NSMCE2: variants seen among roughly 807,000 people sequenced by gnomAD.
The protein encoded by NSMCE2 is E3 SUMO-protein ligase NSE2.
Under a neutral mutation model 23.8 loss-of-function variants are expected in NSMCE2, and 24 were observed. That is an observed-to-expected ratio of 1.01 (90% CI 0.73 to 1.42). The LOEUF (loss-of-function observed/expected upper bound fraction) is 1.42. Ranked by LOEUF, NSMCE2 falls within the 40% of genes most tolerant of loss-of-function variation. The probability of loss-of-function intolerance (pLI) is 0.00; values close to 1 mark genes in which losing one functional copy is unlikely to be tolerated. For missense variants in NSMCE2, 284 were observed against 296.5 expected (o/e 0.96, Z 0.31); for synonymous variants, 92 against 94.1 (o/e 0.98, Z 0.13).
chr8:125,242,892 A>G (rs2130985563), intron 5 of NSMCE2, among the ~76,000 whole-genome samples: 2 of 152,356 alleles, frequency 1.3e-5, no homozygotes, highest in South Asian at 4.1e-4. Context: ...GTGATAGACA[A>G]GGAGAGGAGA....
intron 5 of NSMCE2, among the ~76,000 whole-genome samples, chr8:125,199,079 T>G (rs1003120710): frequency 4.6e-5 from 7 of 152,160 alleles, no homozygotes; most frequent in African/African-American, 1.4e-4. Flanking sequence ...TCCTCTCTCT[T>G]TTCTTCTTTA....
At chr8:125,287,308 G>A (rs905272493) in intron 5 of NSMCE2, among the ~76,000 whole-genome samples, 1 of 152,028 alleles carries the variant, frequency 6.6e-6, no homozygotes, top group Admixed American at 6.6e-5. Flanking sequence ...CTTCAGCCTG[G>A]GTGACAGAGT....
At chr8:125,328,475 C>G (rs977105648) in intron 5 of NSMCE2, among the ~76,000 whole-genome samples, 5 of 152,190 alleles carry the variant, frequency 3.3e-5, no homozygotes, top group Admixed American at 2.6e-4. Flanking sequence ...GTGCCAGGCA[C>G]AAGGAGTATC....
At chr8:125,214,597 G>A (rs2130896857) in intron 5 of NSMCE2, among the ~76,000 whole-genome samples, 1 of 152,156 alleles carries the variant, frequency 6.6e-6, no homozygotes, top group South Asian at 2.1e-4. Context: ...CCGTTTTTAG[G>A]TTAACAGAAT....
intron 5 of NSMCE2, among the ~76,000 whole-genome samples, chr8:125,199,358 C>G (rs1823765245): frequency 6.6e-6 from 1 of 152,144 alleles, no homozygotes; most frequent in Non-Finnish European, 1.5e-5. Flanking sequence ...TAAATGCATC[C>G]CAGAGATTCT....
intron 5 of NSMCE2, among the ~76,000 whole-genome samples, chr8:125,200,734 G>C (rs901842006): frequency 6.6e-6 from 1 of 152,092 alleles, no homozygotes; most frequent in Non-Finnish European, 1.5e-5. Flanking sequence ...AGCTACGTTG[G>C]GGAAGTTCTC....
intron 5 of NSMCE2, among the ~76,000 whole-genome samples, chr8:125,232,460 A>C (rs1825365238): frequency 6.6e-6 from 1 of 152,214 alleles, no homozygotes; most frequent in Admixed American, 6.5e-5. Context: ...TGAGCAAATA[A>C]GCTTCAGGTG....
chr8:125,234,885 C>T (rs148303574), intron 5 of NSMCE2, among the ~76,000 whole-genome samples: 7 of 152,288 alleles, frequency 4.6e-5, no homozygotes, highest in African/African-American at 1.7e-4. Flanking sequence ...CCCCATCCCC[C>T]GCCACCTCTG....
At chr8:125,245,803 G>T (rs895344078) in intron 5 of NSMCE2, among the ~76,000 whole-genome samples, 2 of 152,136 alleles carry the variant, frequency 1.3e-5, no homozygotes, top group Non-Finnish European at 1.5e-5. Context: ...GGAGGCCCAG[G>T]CAGTGGATCA....
chr8:125,344,719 G>C (rs998764197), intron 5 of NSMCE2, among the ~76,000 whole-genome samples: 29 of 145,718 alleles, frequency 2.0e-4, no homozygotes, highest in Non-Finnish European at 3.7e-4. Context: ...CTCCAGCCTG[G>C]CTGACAGAGC....
intron 5 of NSMCE2, among the ~76,000 whole-genome samples, chr8:125,198,488 A>G (rs1329920624): frequency 2.6e-5 from 4 of 152,168 alleles, no homozygotes; most frequent in African/African-American, 9.7e-5. Context: ...GATGGATTAC[A>G]TTTATTGATT....
chr8:125,304,553 G>C (rs1405592345), intron 5 of NSMCE2, among the ~76,000 whole-genome samples: 1 of 152,032 alleles, frequency 6.6e-6, no homozygotes, highest in African/African-American at 2.4e-5. Flanking sequence ...TCCAGGTTTG[G>C]GAGCTTTAAA....
At chr8:125,147,621 TA>T (rs1333841599) in intron 3 of NSMCE2, among the ~76,000 whole-genome samples, 2 of 152,266 alleles carry the variant, frequency 1.3e-5, no homozygotes, top group South Asian at 4.1e-4. Context: ...ATTTGGTATA[TA>T]TTCTCAAAAA....
chr8:125,319,772 AG>A, intron 5 of NSMCE2, among the ~76,000 whole-genome samples: 1 of 152,316 alleles, frequency 6.6e-6, no homozygotes, highest in Non-Finnish European at 1.5e-5. Context: ...GGACAGTCTC[AG>A]GGAGTCAAAT....
Position 125,259,351 on chromosome 8 carries a change from C to T in NSMCE2, c.418+77095C>T, listed in dbSNP as rs1013253303. On this transcript the variant is annotated intron_variant, in intron 5 of 7. Transcript: ENST00000287437. ...CAGCAGGAGGTGAGCAGCCCACAAG[C>T]GAGCATTACCACCTGAGCTCCACTT... 5.9e-5 allele frequency among the ~76,000 whole-genome samples: 9 copies of T among 152,116 alleles called. 1 individual carries two copies. Among genetic ancestry groups the T allele is most frequent in the East Asian group, 1.9e-4 (1 of 5,188 alleles).
chr8:125,117,041 C>T (rs1029781822), intron 3 of NSMCE2, among the ~76,000 whole-genome samples: 1 of 151,860 alleles, frequency 6.6e-6, no homozygotes, highest in Non-Finnish European at 1.5e-5. Context: ...GCGCTCTCCT[C>T]TAAGACCTAA....
intron 5 of NSMCE2, among the ~76,000 whole-genome samples, chr8:125,200,764 GT>G (rs1294166011): frequency 6.6e-6 from 1 of 152,196 alleles, no homozygotes; most frequent in Non-Finnish European, 1.5e-5. Context: ...ATCCTGAAGA[GT>G]TTTTTCCAAC....
chr8:125,211,709 A>T (rs1021861562), intron 5 of NSMCE2, among the ~76,000 whole-genome samples: 2 of 152,228 alleles, frequency 1.3e-5, no homozygotes, highest in African/African-American at 4.8e-5. Flanking sequence ...TCAACAATGT[A>T]TGAGAGCCCA....
chr8:125,249,294 T>C (rs988928934), intron 5 of NSMCE2, among the ~76,000 whole-genome samples: 2 of 152,156 alleles, frequency 1.3e-5, no homozygotes, highest in African/African-American at 4.8e-5. Flanking sequence ...TTCCTTAAGA[T>C]GAATTCAGAG....
Sources: allele counts gnomAD v4.1 joint callset (sites outside exome capture counted in the v4.1 genomes callset), GRCh38; gene constraint gnomAD v4.1.1; transcripts MANE v1.5; gene names NCBI Gene and HGNC (gene_info 2026-07-23, HGNC 2026-07-21).